The following LRP1B variants were observed in gnomAD, a reference collection of about 807,000 sequenced individuals.
The protein encoded by LRP1B is low-density lipoprotein receptor-related protein 1B.
LRP1B carries 217 observed loss-of-function variants against 556.6 expected under a neutral mutation model. The ratio of observed to expected loss-of-function variants is 0.39; its 90% confidence interval spans 0.35 to 0.44. The LOEUF (loss-of-function observed/expected upper bound fraction) is 0.44. Ranked by LOEUF, LRP1B falls within the 20% of genes least tolerant of loss-of-function variation. LRP1B has a pLI of 1.00. For synonymous variants in LRP1B, 2,047 were observed against 1,865.8 expected (o/e 1.10, Z -2.50); for missense variants, 5,053 against 5,620.8 (o/e 0.90, Z 3.23).
At chr2:140,760,293 T>A (rs1688869994) in intron 35 of LRP1B, among the ~76,000 whole-genome samples, 1 of 152,292 alleles carries the variant, frequency 6.6e-6, no homozygotes, top group South Asian at 2.1e-4. Context: ...TAATACTTCA[T>A]TTTGGGAAAG....
At chr2:141,963,705 A>C (rs534154110) in intron 1 of LRP1B, among the ~76,000 whole-genome samples, 10 of 147,578 alleles carry the variant, frequency 6.8e-5, no homozygotes, top group Non-Finnish European at 1.5e-4. Flanking sequence ...GCCCTCTCTC[A>C]CCACTCCTAT....
At chr2:141,622,168 G>T (rs1688527984) in intron 2 of LRP1B, among the ~76,000 whole-genome samples, 1 of 152,154 alleles carries the variant, frequency 6.6e-6, no homozygotes. Context: ...TGGGATTATA[G>T]ATGTGAGCCA....
At chr2:140,366,930 A>G (rs1045550156) in intron 71 of LRP1B, among the ~76,000 whole-genome samples, 2 of 151,720 alleles carry the variant, frequency 1.3e-5, no homozygotes, top group Admixed American at 1.3e-4. Flanking sequence ...AGGGTACAGG[A>G]GAGCAAAAGA....
chr2:141,971,859 G>T (rs1249021791), intron 1 of LRP1B, among the ~76,000 whole-genome samples: 1 of 151,292 alleles, frequency 6.6e-6, no homozygotes, highest in Non-Finnish European at 1.5e-5. Flanking sequence ...TGTCAGTGTT[G>T]CTCATTTTCC....
At chr2:142,005,477 T>A (rs1472373675) in intron 1 of LRP1B, among the ~76,000 whole-genome samples, 1 of 152,186 alleles carries the variant, frequency 6.6e-6, no homozygotes, top group East Asian at 1.9e-4. Flanking sequence ...GTATACATAA[T>A]TCATTTTGAA....
intron 20 of LRP1B, among the ~76,000 whole-genome samples, chr2:140,944,632 C>T (rs1226079927): frequency 1.3e-5 from 2 of 151,998 alleles, no homozygotes; most frequent in Non-Finnish European, 2.9e-5. Flanking sequence ...AAATGTGAAC[C>T]ACCACATAAA....
In LRP1B at chr2:141,364,270, AAC is replaced by A. The variant is rs35479321; in HGVS notation, c.344-109631_344-109630del. Among the ~76,000 whole-genome samples, 1,216 of 148,578 alleles carry A rather than the reference AAC, an allele frequency of 8.2e-3. 11 individuals carry two copies. The highest frequency in any genetic ancestry group is 0.025 in the African/African-American group (1,003 of 40,532). The stretch of plus-strand genomic sequence containing the variant: ...AATGAAGATATAACCTGGAGGAAAT[AAC>A]ACACACACACACACACACACACGCA... On this transcript the variant is annotated intron_variant, in intron 3 of 90. Transcript: ENST00000389484.
chr2:142,111,566 A>T (rs943071184), intron 1 of LRP1B, among the ~76,000 whole-genome samples: 1 of 152,138 alleles, frequency 6.6e-6, no homozygotes, highest in African/African-American at 2.4e-5. Context: ...TTGGATTTTT[A>T]TAACCTGATT....
rs143908397 is a variant in LRP1B at position 140,552,041 on chromosome 2, C to T, written c.7195-10070G>A. ...AGATTTACTAAGCAATCTGATACAA[C>T]GTCAGACTCGAAGCATCCAAGATTT... On this transcript the variant is annotated intron_variant, in intron 43 of 90. Transcript: ENST00000389484. 2.2e-3 allele frequency among the ~76,000 whole-genome samples: 337 copies of T among 152,182 alleles called. 3 individuals are homozygous for T. The highest frequency in any genetic ancestry group is 4.3e-3 in the Admixed American group (66 of 15,242).
In LRP1B at chr2:140,433,859, G is replaced by T. The variant is rs566667788; in HGVS notation, c.10414+8645C>A. ...TCTTCTTTTTTTTTCTCAAATATCA[G>T]TCAAAATGCAAGGGTATATCAAAAA... On this transcript the variant is annotated intron_variant, in intron 66 of 90. Coordinates refer to ENST00000389484, the MANE Select transcript of LRP1B (RefSeq NM_018557.3). 3.2e-4 allele frequency among the ~76,000 whole-genome samples: 47 copies of T among 147,924 alleles called. 1 individual carries two copies. Among genetic ancestry groups the T allele is most frequent in the Admixed American group, 6.8e-4 (10 of 14,764 alleles).
chr2:141,301,433 G>A (rs1686392974), intron 3 of LRP1B, among the ~76,000 whole-genome samples: 3 of 152,130 alleles, frequency 2.0e-5, no homozygotes, highest in Admixed American at 2.0e-4. Context: ...ATTGTTTAGT[G>A]TGGAAAACTA....
At chr2:141,586,081 T>C (rs932857572) in intron 2 of LRP1B, among the ~76,000 whole-genome samples, 1 of 152,168 alleles carries the variant, frequency 6.6e-6, no homozygotes, top group Non-Finnish European at 1.5e-5. Flanking sequence ...AGTAATCTTA[T>C]CCTGGAAGTA....
intron 2 of LRP1B, among the ~76,000 whole-genome samples, chr2:141,525,921 T>C (rs1429247643): frequency 1.3e-5 from 2 of 152,016 alleles, no homozygotes; most frequent in African/African-American, 4.8e-5. Flanking sequence ...GGGTGTTCTT[T>C]GTTTTATTAT....
In LRP1B at chr2:140,621,828, C is replaced by T. The variant is rs75012030; in HGVS notation, c.6800-20189G>A. On this transcript the variant is annotated intron_variant, in intron 41 of 90. Coordinates refer to ENST00000389484, the MANE Select transcript of LRP1B (RefSeq NM_018557.3). ...AACTTAACGAAGATGGATTACATCCCGCAGATGAGATGCAGCCTATAAATA... is the reference window on the plus strand; with the variant it reads ...AACTTAACGAAGATGGATTACATCCTGCAGATGAGATGCAGCCTATAAATA... 7.7e-3 allele frequency among the ~76,000 whole-genome samples: 1,172 copies of T among 152,218 alleles called. 4 individuals carry two copies. Among genetic ancestry groups the T allele is most frequent in the Admixed American group, 0.01 (159 of 15,284 alleles).
intron 41 of LRP1B, among the ~76,000 whole-genome samples, chr2:140,691,434 C>A (rs1312982384): frequency 6.8e-6 from 1 of 146,232 alleles, no homozygotes; most frequent in Non-Finnish European, 1.5e-5. Context: ...CAACATCATG[C>A]AATCCAGGCT....
chr2:141,728,188 G>A (rs891721566), intron 2 of LRP1B, among the ~76,000 whole-genome samples: 12 of 152,138 alleles, frequency 7.9e-5, no homozygotes, highest in African/African-American at 2.9e-4. Context: ...GCAAAGCAAA[G>A]GTCACCTCAG....
intron 7 of LRP1B, among the ~76,000 whole-genome samples, chr2:141,091,463 G>C (rs1269078256): frequency 6.6e-6 from 1 of 152,182 alleles, no homozygotes; most frequent in South Asian, 2.1e-4. Flanking sequence ...TGACTGTGTG[G>C]AGTTTTCACA....
intron 2 of LRP1B, among the ~76,000 whole-genome samples, chr2:141,736,784 G>A (rs1356455206): frequency 6.6e-6 from 1 of 152,104 alleles, no homozygotes; most frequent in Non-Finnish European, 1.5e-5. Flanking sequence ...AGCAGTTAAG[G>A]CATCTCCCTT....
intron 2 of LRP1B, among the ~76,000 whole-genome samples, chr2:141,753,018 G>A (rs1244191995): frequency 2.0e-5 from 3 of 147,276 alleles, no homozygotes; most frequent in African/African-American, 7.5e-5. Context: ...GGAGGCCGAG[G>A]CAGGTGGATC....
Sources: allele counts gnomAD v4.1 joint callset (sites outside exome capture counted in the v4.1 genomes callset), GRCh38; gene constraint gnomAD v4.1.1; transcripts MANE v1.5; gene names NCBI Gene and HGNC (gene_info 2026-07-23, HGNC 2026-07-21).